The following MAP1B variants were observed in gnomAD, a reference collection of about 807,000 sequenced individuals.
The protein encoded by MAP1B is microtubule-associated protein 1B.
Under a neutral mutation model 176.1 loss-of-function variants are expected in MAP1B, and 12 were observed. That is an observed-to-expected ratio of 0.07 (90% CI 0.04 to 0.11). The LOEUF (loss-of-function observed/expected upper bound fraction) is 0.11. Among genes scored for constraint, MAP1B ranks in the 10% least tolerant of loss-of-function variants. The pLI, the probability that MAP1B is intolerant of heterozygous loss-of-function variation, is 1.00. For synonymous variants in MAP1B, 1,044 were observed against 1,135.0 expected (o/e 0.92, Z 1.61); for missense variants, 2,523 against 2,990.5 (o/e 0.84, Z 3.65).
At position 72,120,367 on chromosome 5, in the gene MAP1B, C is replaced by T. The variant is rs984605405; in HGVS notation, c.286+4568C>T. ...TGTCATCTTGGACAAGTTAACTAAC[C>T]GTTTTCAGTCTTCTTGTTTGTAAAC... is the stretch of plus-strand genomic sequence containing the variant. On this transcript the variant is annotated intron_variant, in intron 2 of 6. Transcript: ENST00000296755. Among the ~76,000 whole-genome samples the T allele has an allele frequency of 3.3e-5, 5 of 151,860 alleles. No individual in the cohort carries two copies. In the East Asian group the frequency reaches 5.8e-4, roughly 18 times the overall value.
At chr5:72,113,742 A>T (rs3101186) in intron 1 of MAP1B, among the ~76,000 whole-genome samples, 9 of 152,208 alleles carry the variant, frequency 5.9e-5, no homozygotes, top group Admixed American at 2.0e-4. Flanking sequence ...ACCTGGAACA[A>T]GGAGAATTCA....
chr5:72,138,193 A>G (rs1745871388), intron 2 of MAP1B, among the ~76,000 whole-genome samples: 1 of 152,242 alleles, frequency 6.6e-6, no homozygotes, highest in South Asian at 2.1e-4. Flanking sequence ...GGTGTAGGAT[A>G]TGAACATTCA....
At chr5:72,183,675 C>A in intron 2 of MAP1B, 68 bp from the exon 3 acceptor site, 1 of 1,125,426 alleles carries the variant, frequency 8.9e-7, no homozygotes, top group Non-Finnish European at 1.3e-6. Flanking sequence ...GTCCCAGGAG[C>A]AGGCAGGGCA....
At chr5:72,165,176 T>C (rs1423777942) in intron 2 of MAP1B, among the ~76,000 whole-genome samples, 2 of 152,310 alleles carry the variant, frequency 1.3e-5, no homozygotes, top group South Asian at 2.1e-4. Flanking sequence ...CAAAATATAG[T>C]CACCCAATTT....
chr5:72,206,352 C>T lies in MAP1B; in HGVS notation c.*1113C>T, dbSNP rs1469155540. On this transcript the variant is annotated 3_prime_UTR_variant, in exon 7 of 7. Transcript: ENST00000296755. Reference sequence around the variant, plus strand: ...TTGGTCCAACAGTTTGATGCTGAGTCATGCGTGTTGAATCCCACTTCAGTG... The same window carrying T: ...TTGGTCCAACAGTTTGATGCTGAGTTATGCGTGTTGAATCCCACTTCAGTG... The T allele has an allele frequency of 2.0e-5, 3 of 152,698 alleles. No homozygotes were observed. The highest frequency in any genetic ancestry group is 7.2e-5 in the African/African-American group (3 of 41,458). 9.5% of individuals were successfully genotyped at this position (152,698 alleles called of 1,614,324 possible).
chr5:72,126,042 A>G (rs996742676), intron 2 of MAP1B, among the ~76,000 whole-genome samples: 10 of 152,226 alleles, frequency 6.6e-5, no homozygotes, highest in African/African-American at 2.4e-4. Context: ...TTTTAAGGAA[A>G]TAAATGTGAA....
chr5:72,195,955 T>G lies in MAP1B; in HGVS notation c.2600T>G (p.Leu867Arg), dbSNP rs150896759. The change falls in exon 5 of 7, where the codon CTG becomes CGG. Residue 867 changes from leucine (L) to arginine (R), a missense_variant. This residue lies in a region of MAP1B where 1,925 missense variants were observed against 2,126.0 expected (regional missense o/e 0.91). Transcript: ENST00000296755. ...QLELIEDEEKLKETEPVEAYV... is the reference protein window; with the variant it reads ...QLELIEDEEKRKETEPVEAYV... ...GAGCTAATCGAAGACGAAGAGAAAC[T>G]GAAGGAAACTGAGCCAGTCGAAGCC... is the stretch of plus-strand genomic sequence containing the variant. The G allele has an allele frequency of 1.9e-3, 3,113 of 1,614,060 alleles. 33 individuals carry two copies. Among genetic ancestry groups the G allele is most frequent in the South Asian group, 2.0e-3 (182 of 91,072 alleles).
chr5:72,178,725 G>GGTGTGTGTGTGT (rs34082751), intron 2 of MAP1B, among the ~76,000 whole-genome samples: 3 of 140,418 alleles, frequency 2.1e-5, no homozygotes, highest in Admixed American at 7.1e-5. Flanking sequence ...GCCTCTGAGG[G>GGTGTGTGTGTGT]GTGTGTGTGT....
rs533168178 is a variant in MAP1B at position 72,197,331 on chromosome 5, T to A, written c.3976T>A (p.Ser1326Thr). ...TCTGGAAGTGGTGTCACCATCTCAGTCCGTGACTGGCAGTGCTGGTCACAC... is the reference window on the plus strand; with the variant it reads ...TCTGGAAGTGGTGTCACCATCTCAGACCGTGACTGGCAGTGCTGGTCACAC... ...KTLEVVSPSQ[S>T]VTGSAGHTPY... The change falls in exon 5 of 7, where the codon TCC (serine) becomes ACC (threonine). Residue 1326 changes from serine (S) to threonine (T), a missense_variant. Ser to Thr is a moderately conservative substitution (Grantham distance 58, BLOSUM62 1). Transcript: ENST00000296755. 2.5e-6 allele frequency: 4 copies of A among 1,614,206 alleles called. No homozygotes were observed. The Admixed American group carries it at 6.7e-5, about 27-fold the overall frequency.
chr5:72,175,168 G>A (rs1746627970), intron 2 of MAP1B, among the ~76,000 whole-genome samples: 2 of 151,336 alleles, frequency 1.3e-5, no homozygotes. Flanking sequence ...GGGCTCAAGT[G>A]ATCCTCCCAC....
chr5:72,112,895 C>T (rs575208014), intron 1 of MAP1B, among the ~76,000 whole-genome samples: 19 of 152,292 alleles, frequency 1.2e-4, no homozygotes, highest in African/African-American at 4.6e-4. Flanking sequence ...TGCTCCCCAA[C>T]AGAGACCAGG....
intron 2 of MAP1B, among the ~76,000 whole-genome samples, chr5:72,123,929 C>A (rs80151586): frequency 6.6e-6 from 1 of 152,130 alleles, no homozygotes; most frequent in Non-Finnish European, 1.5e-5. Flanking sequence ...CCCTGCCCAG[C>A]GTGAGAGTTC....
rs7737415 is a variant in MAP1B, at chr5:72,133,358, C to T, written c.286+17559C>T. 6.7e-3 allele frequency among the ~76,000 whole-genome samples: 1,017 copies of T among 152,264 alleles called. 10 individuals carry two copies. Among genetic ancestry groups the T allele is most frequent in the African/African-American group, 0.023 (945 of 41,544 alleles). On this transcript the variant is annotated intron_variant, in intron 2 of 6. Transcript: ENST00000296755. ...GGGATCTGAGGTGAGGCGCTGGAGGCGGGATGGAGAGCAGTGGAAAAGGAG... is the reference window on the plus strand; with the variant it reads ...GGGATCTGAGGTGAGGCGCTGGAGGTGGGATGGAGAGCAGTGGAAAAGGAG...
intron 2 of MAP1B, among the ~76,000 whole-genome samples, chr5:72,154,139 C>G (rs572439487): frequency 6.6e-6 from 1 of 152,048 alleles, no homozygotes; most frequent in Non-Finnish European, 1.5e-5. Flanking sequence ...CTTTATGACT[C>G]GTCTCTTATT....
rs1167533800 is a variant in MAP1B, at chr5:72,196,434, G to A, written c.3079G>A (p.Glu1027Lys). 1 of 1,613,892 alleles carries A rather than the reference G, an allele frequency of 6.2e-7. No homozygotes were observed. Among genetic ancestry groups the A allele is most frequent in the Non-Finnish European group, 8.5e-7 (1 of 1,180,022 alleles). Residue 1027 changes from glutamate to lysine, a missense_variant, in exon 5 of 7, where the codon GAA becomes AAA. Glu to Lys is a moderately conservative substitution (Grantham distance 56). This residue lies in a region of MAP1B where 1,925 missense variants were observed against 2,126.0 expected (regional missense o/e 0.91). Transcript: ENST00000296755. This position sits in a 1 kb window ranked among gnomAD's most constrained non-coding sequence, Gnocchi z 5.3. ...GGAGGCTGATGAGGAGGACAAAGCTGAAGATGCCAGAGAGGAGGAATATGA... is the reference window on the plus strand; with the variant it reads ...GGAGGCTGATGAGGAGGACAAAGCTAAAGATGCCAGAGAGGAGGAATATGA... ...EEEADEEDKA[E>K]DAREEEYEPE...
At chr5:72,193,806 G>A (rs1331197974) in intron 4 of MAP1B, 60 bp from the exon 5 acceptor site, 2 of 1,491,420 alleles carry the variant, frequency 1.3e-6, no homozygotes, top group African/African-American at 2.8e-5. Flanking sequence ...TGGAGATGAT[G>A]GATCAGTGAT....
intron 2 of MAP1B, among the ~76,000 whole-genome samples, chr5:72,135,531 A>G (rs750235611): frequency 6.6e-6 from 1 of 152,164 alleles, no homozygotes; most frequent in Non-Finnish European, 1.5e-5. Flanking sequence ...GGTCACCTGG[A>G]TTAGACTGGC....
chr5:72,193,723 A>G lies in MAP1B; in HGVS notation c.511-143A>G, dbSNP rs1170636239. On this transcript the variant is annotated intron_variant, in intron 4 of 6. Transcript: ENST00000296755. The stretch of plus-strand genomic sequence containing the variant: ...AAGTATTTCAGCATTTAAGCAACCA[A>G]CATCACTATGAGAGTGCATGTCTGA... 8.8e-6 allele frequency: 8 copies of G among 910,050 alleles called. No individual in the cohort carries two copies. In the African/African-American group the frequency reaches 1.0e-4, roughly 12 times the overall value. 56.4% of individuals were successfully genotyped at this position (910,050 alleles called of 1,614,324 possible).
chr5:72,156,755 T>A (rs1746236307), intron 2 of MAP1B, among the ~76,000 whole-genome samples: 1 of 152,176 alleles, frequency 6.6e-6, no homozygotes, highest in Admixed American at 6.5e-5. Context: ...TCTGTTGCCG[T>A]GCACAATATG....
Sources: allele counts gnomAD v4.1 joint callset (sites outside exome capture counted in the v4.1 genomes callset), GRCh38; gene constraint gnomAD v4.1.1; regional missense constraint gnomAD v4.1.1; non-coding constraint Gnocchi (gnomAD v3.1); transcripts MANE v1.5; gene names NCBI Gene and HGNC (gene_info 2026-07-23, HGNC 2026-07-21).